The following OVCH1 variants were observed in gnomAD, a reference collection of about 807,000 sequenced individuals.
OVCH1 encodes ovochymase 1, also known as ovochymase-1.
In OVCH1, 139 loss-of-function variants were observed where a neutral mutation model predicts 138.4. The ratio of observed to expected loss-of-function variants is 1.00; its 90% CI spans 0.87 to 1.16. The LOEUF is 1.16. OVCH1 is among the 50% of genes most tolerant of loss of function. OVCH1 has a pLI of 0.00. For synonymous variants in OVCH1, 453 were observed against 467.8 expected (o/e 0.97, Z 0.41); for missense variants, 1,367 against 1,357.9 (o/e 1.01, Z -0.11).
intron 3 of OVCH1, among the ~76,000 whole-genome samples, chr12:29,420,350 C>T (rs1941085196): frequency 6.6e-6 from 1 of 152,146 alleles, no homozygotes; most frequent in Admixed American, 6.5e-5. Context: ...TTAGCAACTC[C>T]AGTGCTCTAG....
chr12:29,477,439 G>A, exon 11 of OVCH1: 2 of 1,613,930 alleles, frequency 1.2e-6, no homozygotes, highest in Admixed American at 3.3e-5. Context: ...ACTGGTCTCT[G>A]CCAGCAATGG....
intron 22 of OVCH1, 49 bp downstream of exon 22, chr12:29,451,296 A>G: frequency 6.8e-7 from 1 of 1,469,426 alleles, no homozygotes; most frequent in Non-Finnish European, 9.4e-7. Flanking sequence ...TAAGCTGCCT[A>G]CATGGACCAA....
intron 22 of OVCH1, among the ~76,000 whole-genome samples, chr12:29,447,005 A>T (rs926202951): frequency 6.6e-6 from 1 of 152,132 alleles, no homozygotes; most frequent in African/African-American, 2.4e-5. Flanking sequence ...AAGCATTAGG[A>T]ATAAATGACA....
chr12:29,428,745 G>T (rs915145436), intron 27 of OVCH1, among the ~76,000 whole-genome samples: 6 of 152,162 alleles, frequency 3.9e-5, no homozygotes, highest in Non-Finnish European at 8.8e-5. Context: ...GAAAAAGAAA[G>T]CATCAAAATC....
intron 17 of OVCH1, 143 bp from the exon 18 acceptor site, chr12:29,464,845 A>T: frequency 1.3e-6 from 1 of 770,690 alleles, no homozygotes; most frequent in Non-Finnish European, 2.1e-6. Context: ...AATTTAAAAG[A>T]GCAATATTGG....
intron 15 of OVCH1, 90 bp downstream of exon 15, chr12:29,472,939 A>AG (rs1366814837): frequency 3.6e-6 from 4 of 1,109,184 alleles, no homozygotes. Flanking sequence ...GTGGAGTTAT[A>AG]GCCAATGTAA....
downstream of OVCH1, among the ~76,000 whole-genome samples, chr12:29,427,160 T>C (rs1295449947): frequency 6.6e-6 from 1 of 152,212 alleles, no homozygotes; most frequent in Non-Finnish European, 1.5e-5. Context: ...TAGTCTGTCC[T>C]TGCTCAATCT....
chr12:29,478,923 C>A (rs762946833), intron 8 of OVCH1: 1 of 1,554,876 alleles, frequency 6.4e-7, no homozygotes, highest in Admixed American at 1.9e-5. Context: ...TAAATTTTAT[C>A]AGGATTATTT....
chr12:29,412,501 A>T (rs1456367551), exon 5 of OVCH1: 4 of 152,238 alleles, frequency 2.6e-5, no homozygotes, highest in Admixed American at 6.5e-5. Context: ...CCATTATTTT[A>T]AAAGACTTTT....
chr12:29,417,943 T>C (rs1455565393), intron 3 of OVCH1, among the ~76,000 whole-genome samples: 1 of 152,144 alleles, frequency 6.6e-6, no homozygotes, highest in Non-Finnish European at 1.5e-5. Flanking sequence ...GATGGAAGCA[T>C]TGAAAAGACA....
At chr12:29,446,825 T>C (rs1280422201) in intron 22 of OVCH1, among the ~76,000 whole-genome samples, 1 of 152,112 alleles carries the variant, frequency 6.6e-6, no homozygotes, top group Non-Finnish European at 1.5e-5. Context: ...TAAAGTTTTT[T>C]TTTTATTAAA....
At chr12:29,495,342 G>A (rs10843438) in exon 4 of OVCH1, 815,904 of 1,611,154 alleles carry the variant, frequency 0.51, 209,741 homozygotes, top group Middle Eastern at 0.55. Flanking sequence ...ATATATTCAC[G>A]GCTGTTGTAT....
At chr12:29,428,828 G>T (rs547738326) in intron 27 of OVCH1, among the ~76,000 whole-genome samples, 2 of 152,314 alleles carry the variant, frequency 1.3e-5, no homozygotes, top group East Asian at 3.9e-4. Context: ...AACTAGAGAA[G>T]TTGATGCAAT....
intron 4 of OVCH1, 57 bp downstream of exon 4, chr12:29,495,228 A>C: frequency 6.8e-7 from 1 of 1,465,116 alleles, no homozygotes; most frequent in Non-Finnish European, 9.4e-7. Flanking sequence ...GTTAACTTGT[A>C]CATAATTAGC....
intron 25 of OVCH1, chr12:29,439,554 T>C (rs901563090): frequency 1.6e-6 from 2 of 1,226,862 alleles, no homozygotes; most frequent in Non-Finnish European, 2.1e-6. Context: ...CAACTACTGC[T>C]ACTCTCGGTA....
intron 14 of OVCH1, 38 bp from the exon 15 acceptor site, chr12:29,473,141 G>A: frequency 6.9e-7 from 1 of 1,453,630 alleles, no homozygotes; most frequent in Non-Finnish European, 9.5e-7. Flanking sequence ...AGTAATTAGA[G>A]AAGTTGCACT....
chr12:29,475,882 T>C (rs544929801), intron 13 of OVCH1, among the ~76,000 whole-genome samples: 1 of 152,292 alleles, frequency 6.6e-6, no homozygotes, highest in Non-Finnish European at 1.5e-5. Flanking sequence ...AATACCAAAA[T>C]ATCAGCAACA....
At chr12:29,427,808 A>C (rs778553795) in intron 27 of OVCH1, among the ~76,000 whole-genome samples, 3 of 152,194 alleles carry the variant, frequency 2.0e-5, no homozygotes, top group Admixed American at 6.5e-5. Context: ...TGCATGGTTC[A>C]TTGAAGTAAA....
Position 29,487,997 on chromosome 12 carries a change from T to C in OVCH1, c.703-115A>G, listed in dbSNP as rs550243880. The C allele has an allele frequency of 2.7e-5, 26 of 969,582 alleles. No homozygotes were observed. The Admixed American group carries it at 6.7e-4, about 25-fold the overall frequency. 60.1% of individuals were successfully genotyped at this position (969,582 alleles called of 1,614,324 possible). A position where few individuals can be genotyped will look rare whatever the true frequency, so the allele number is the denominator to read the frequency against. ...GTGAAAAGAGGTAGAGGCAAAGAAG[T>C]CCACTAGTCATCGTCCATCAGCTTT... On this transcript the variant is annotated intron_variant, in intron 6 of 27. Coordinates refer to ENST00000318184, the Ensembl canonical transcript of OVCH1.
Sources: allele counts gnomAD v4.1 joint callset (sites outside exome capture counted in the v4.1 genomes callset), GRCh38; gene constraint gnomAD v4.1.1; transcripts MANE v1.5; gene names NCBI Gene and HGNC (gene_info 2026-07-23, HGNC 2026-07-21).